Variants in SPAG16 observed in about 807,000 individuals in gnomAD.
The protein encoded by SPAG16 is sperm associated antigen 16.
A neutral mutation model predicts 80.4 loss-of-function variants in SPAG16; 86 were observed. That is an observed-to-expected ratio of 1.07 (90% confidence interval 0.90 to 1.28). The LOEUF is 1.28. Ranked by LOEUF, SPAG16 falls within the 50% of genes most tolerant of loss-of-function variation. The probability of loss-of-function intolerance (pLI) is 0.00; values close to 1 mark genes in which losing one functional copy is unlikely to be tolerated. For synonymous variants in SPAG16, 294 were observed against 265.9 expected, an observed-to-expected ratio of 1.11 and a Z score of -1.03; for missense variants, 870 against 765.3, an observed-to-expected ratio of 1.14 and a Z score of -1.61.
At chr2:213,956,662 G>C (rs188410879) in intron 12 of SPAG16, among the ~76,000 whole-genome samples, 4 of 152,006 alleles carry the variant, frequency 2.6e-5, no homozygotes, top group African/African-American at 7.2e-5. Flanking sequence ...TGGCCATGCT[G>C]GTGTCAAACT....
In SPAG16 at chr2:214,117,896, T is replaced by A. The variant is rs557416336; in HGVS notation, c.1593+9635T>A. Among the ~76,000 whole-genome samples the A allele has an allele frequency of 2.0e-5, 3 of 152,198 alleles. No homozygotes were observed. The South Asian group carries it at 6.2e-4, about 32-fold the overall frequency. On this transcript the variant is annotated intron_variant, in intron 14 of 15. Coordinates refer to ENST00000331683, the MANE Select transcript of SPAG16 (RefSeq NM_024532.5). ...ATATATGAGAAACCTACAAACATCA[T>A]ACTAAATAGGGAAAAGCTGAAAGTT...
At chr2:213,337,751 G>T (rs1325730942) in intron 5 of SPAG16, among the ~76,000 whole-genome samples, 1 of 152,084 alleles carries the variant, frequency 6.6e-6, no homozygotes, top group Non-Finnish European at 1.5e-5. Flanking sequence ...ATGACTGATA[G>T]GAGTATCTGA....
At chr2:214,185,741 AG>A (rs2057446877) in intron 15 of SPAG16, among the ~76,000 whole-genome samples, 1 of 152,156 alleles carries the variant, frequency 6.6e-6, no homozygotes, top group Non-Finnish European at 1.5e-5. Context: ...TCTGTGACAA[AG>A]GGGCAAAGGC....
chr2:213,285,280 G>T (rs1015773114), intron 1 of SPAG16, among the ~76,000 whole-genome samples: 1 of 152,144 alleles, frequency 6.6e-6, no homozygotes, highest in African/African-American at 2.4e-5. Context: ...ATGGTGATTA[G>T]CGATTTTTAT....
At chr2:214,216,568 C>T (rs981275474) in intron 15 of SPAG16, among the ~76,000 whole-genome samples, 2 of 152,232 alleles carry the variant, frequency 1.3e-5, no homozygotes, top group Non-Finnish European at 2.9e-5. Flanking sequence ...GATCTGCCCG[C>T]CTCGGCCTCC....
intron 7 of SPAG16, among the ~76,000 whole-genome samples, chr2:213,360,184 G>A (rs2065897733): frequency 6.6e-6 from 1 of 152,154 alleles, no homozygotes; most frequent in African/African-American, 2.4e-5. Context: ...TACTCTTTCA[G>A]AATTTTGTTA....
chr2:214,025,840 G>A (rs1209523978), intron 13 of SPAG16, among the ~76,000 whole-genome samples: 1 of 151,290 alleles, frequency 6.6e-6, no homozygotes, highest in African/African-American at 2.4e-5. Context: ...ATACCCTACT[G>A]TTATGACACT....
intron 15 of SPAG16, among the ~76,000 whole-genome samples, chr2:214,388,071 G>C (rs1453618163): frequency 6.6e-6 from 1 of 151,932 alleles, no homozygotes; most frequent in African/African-American, 2.4e-5. Context: ...ATTTTTTAAT[G>C]TATTTGATAC....
chr2:213,479,274 G>T (rs149451593), intron 9 of SPAG16, among the ~76,000 whole-genome samples: 4 of 151,638 alleles, frequency 2.6e-5, no homozygotes, highest in Non-Finnish European at 4.4e-5. Context: ...CCAGATTGCC[G>T]CATGTATAAT....
chr2:213,431,621 A>T (rs1276986542), intron 9 of SPAG16, among the ~76,000 whole-genome samples: 1 of 152,088 alleles, frequency 6.6e-6, no homozygotes, highest in East Asian at 1.9e-4. Flanking sequence ...ATATTACTAG[A>T]CCTAAAGAAA....
chr2:214,277,855 G>A (rs1475114690), intron 15 of SPAG16, among the ~76,000 whole-genome samples: 5 of 152,326 alleles, frequency 3.3e-5, no homozygotes, highest in Admixed American at 2.6e-4. Flanking sequence ...GTCAGACAGG[G>A]ACGTTTAAGT....
intron 4 of SPAG16, among the ~76,000 whole-genome samples, chr2:213,316,803 T>G (rs1263810609): frequency 6.6e-6 from 1 of 152,026 alleles, no homozygotes; most frequent in African/African-American, 2.4e-5. Flanking sequence ...TTGTCATTCA[T>G]GCCCACCCTA....
At position 214,085,068 on chromosome 2, in the gene SPAG16, A is replaced by G. The variant is rs1482395440; in HGVS notation, c.1528-23128A>G. Among the ~76,000 whole-genome samples, 6 of 152,320 alleles carry G rather than the reference A, an allele frequency of 3.9e-5. No homozygotes were observed. The East Asian group carries it at 1.2e-3, about 29-fold the overall frequency. On this transcript the variant is annotated intron_variant, in intron 13 of 15. Coordinates refer to ENST00000331683, the MANE Select transcript of SPAG16 (RefSeq NM_024532.5). ...TGCTTTACTTCAGTCTTTAATAAGA[A>G]CTAGGCAGTTAAAAATAGAGAAGGT...
intron 10 of SPAG16, among the ~76,000 whole-genome samples, chr2:213,529,365 G>A (rs112618438): frequency 6.6e-6 from 1 of 152,108 alleles, no homozygotes; most frequent in Non-Finnish European, 1.5e-5. Flanking sequence ...ATTAAACCCT[G>A]CATTATGGCT....
At position 213,834,907 on chromosome 2, in the gene SPAG16, T is replaced by C. The variant is rs148768910; in HGVS notation, c.1071-27578T>C. Reference sequence around the variant, plus strand: ...TAGCTTTTGTCATCTGTTTCTATTCTTGTGGGGTTGGGCAGATTAAAATAT... The same window carrying C: ...TAGCTTTTGTCATCTGTTTCTATTCCTGTGGGGTTGGGCAGATTAAAATAT... On this transcript the variant is annotated intron_variant, in intron 10 of 15. Coordinates refer to ENST00000331683, the MANE Select transcript of SPAG16 (RefSeq NM_024532.5). 1.2e-4 allele frequency among the ~76,000 whole-genome samples: 18 copies of C among 152,290 alleles called. No individual in the cohort carries two copies. The East Asian group carries it at 3.3e-3, about 28-fold the overall frequency.
intron 11 of SPAG16, among the ~76,000 whole-genome samples, chr2:213,884,891 C>T (rs2076493634): frequency 6.6e-6 from 1 of 152,146 alleles, no homozygotes; most frequent in Non-Finnish European, 1.5e-5. Flanking sequence ...TTTCTTGGAT[C>T]ATTTTACTGG....
intron 14 of SPAG16, 63 bp from the exon 15 acceptor site, chr2:214,149,077 G>GTGTGTATA (rs879196704): frequency 1.5e-4 from 35 of 240,198 alleles, no homozygotes; most frequent in East Asian, 7.5e-4. Flanking sequence ...GTGTGTGTGT[G>GTGTGTATA]TATATATATA....
intron 11 of SPAG16, among the ~76,000 whole-genome samples, chr2:213,915,081 T>C (rs936250017): frequency 6.6e-6 from 1 of 151,820 alleles, no homozygotes; most frequent in Non-Finnish European, 1.5e-5. Context: ...AGTCACGTCT[T>C]ACATGGTGGA....
rs551353113 is a variant in SPAG16, at chr2:214,354,529, T to C, written c.1721-55611T>C. 2.8e-3 allele frequency among the ~76,000 whole-genome samples: 424 copies of C among 152,318 alleles called. 2 individuals carry two copies. The highest frequency in any genetic ancestry group is 9.8e-3 in the African/African-American group (406 of 41,556). Reference sequence around the variant, plus strand: ...ACTTTAAAGTAGTTTTTTCCAATTTTGTGAAGAAAGTCATTGGTAGCTTGA... The same window carrying C: ...ACTTTAAAGTAGTTTTTTCCAATTTCGTGAAGAAAGTCATTGGTAGCTTGA... On this transcript the variant is annotated intron_variant, in intron 15 of 15. Coordinates refer to ENST00000331683, the MANE Select transcript of SPAG16 (RefSeq NM_024532.5).
Sources: allele counts gnomAD v4.1 joint callset (sites outside exome capture counted in the v4.1 genomes callset), GRCh38; gene constraint gnomAD v4.1.1; transcripts MANE v1.5; gene names NCBI Gene and HGNC (gene_info 2026-07-23, HGNC 2026-07-21).